Variants in SLC38A4 observed in about 807,000 individuals in gnomAD.
The protein encoded by SLC38A4 is sodium-coupled neutral amino acid transporter 4.
SLC38A4 carries 20 observed loss-of-function variants against 63.1 expected under a neutral mutation model. The observed-to-expected ratio is 0.32, with a 90% confidence interval of 0.22 to 0.46. The LOEUF (loss-of-function observed/expected upper bound fraction) is 0.46, where lower values mean the gene tolerates loss of function less well. Among genes scored for constraint, SLC38A4 ranks in the 20% least tolerant of loss-of-function variants. The pLI, the probability that SLC38A4 is intolerant of heterozygous loss-of-function variation, is 1.00. For synonymous variants in SLC38A4, 230 were observed against 225.5 expected (o/e 1.02, Z -0.18); for missense variants, 526 against 663.6 (o/e 0.79, Z 2.28).
chr12:46,785,979 C>T (rs1384666595), intron 5 of SLC38A4, among the ~76,000 whole-genome samples: 1 of 151,904 alleles, frequency 6.6e-6, no homozygotes, highest in Non-Finnish European at 1.5e-5. Flanking sequence ...AATACACTTT[C>T]CCCACAATTG....
intron 1 of SLC38A4, among the ~76,000 whole-genome samples, chr12:46,819,135 T>C (rs1939494520): frequency 6.6e-6 from 1 of 151,854 alleles, no homozygotes; most frequent in South Asian, 2.1e-4. Flanking sequence ...AGAATATGGG[T>C]AATTCTGTAA....
chr12:46,798,660 A>T (rs1309444040), intron 2 of SLC38A4, among the ~76,000 whole-genome samples: 2 of 152,170 alleles, frequency 1.3e-5, no homozygotes, highest in African/African-American at 4.8e-5. Flanking sequence ...TTTCATTTGC[A>T]TTAAGCCATG....
chr12:46,779,943 A>G lies in SLC38A4; in HGVS notation c.575+6T>C. The G allele has an allele frequency of 6.2e-7, 1 of 1,611,520 alleles. No homozygotes were observed. Among genetic ancestry groups the G allele is most frequent in the Non-Finnish European group, 8.5e-7 (1 of 1,178,142 alleles). On this transcript the variant is annotated splice_donor_region_variant and intron_variant, in intron 8 of 16. Transcript: ENST00000266579. ...CTTGATGTCACAGAGGGAGCATAAG[A>G]CATACCCAGTATTTTCTTCAAGTCC... is the stretch of plus-strand genomic sequence containing the variant.
intron 2 of SLC38A4, among the ~76,000 whole-genome samples, chr12:46,798,596 A>G (rs1206201844): frequency 6.6e-6 from 1 of 152,186 alleles, no homozygotes; most frequent in Non-Finnish European, 1.5e-5. Flanking sequence ...TCTGCAGTCC[A>G]AAAGCTTCAG....
rs1021880728 is a variant in SLC38A4 at position 46,778,179 on chromosome 12, A to G, written c.1073+110T>C. On this transcript the variant is annotated intron_variant, in intron 12 of 16. Coordinates refer to ENST00000266579, the MANE Select transcript of SLC38A4 (RefSeq NM_018018.5). ...TGTTACTGAGGAGTGGATGGAGTAC[A>G]TATTTTCTCTGAAGAGGAAGCTATA... 13 of 1,037,088 alleles carry G rather than the reference A, an allele frequency of 1.3e-5. No homozygotes were observed. The African/African-American group carries it at 2.1e-4, about 16-fold the overall frequency. The allele number at this position is 1,037,088 out of a possible 1,614,324, so 64.2% of individuals were successfully genotyped here. A position where few individuals can be genotyped will look rare whatever the true frequency, so the allele number is the denominator to read the frequency against.
At chr12:46,831,753 C>A (rs1433767129) in intron 1 of SLC38A4, among the ~76,000 whole-genome samples, 2 of 152,058 alleles carry the variant, frequency 1.3e-5, no homozygotes, top group Non-Finnish European at 2.9e-5. Context: ...TGTCCCCGAC[C>A]TGAGGACGCG....
At chr12:46,782,832 T>C (rs2120792806) in intron 7 of SLC38A4, among the ~76,000 whole-genome samples, 1 of 150,156 alleles carries the variant, frequency 6.7e-6, no homozygotes, top group South Asian at 2.1e-4. Flanking sequence ...AGTTCACAGA[T>C]AGTGACAGAA....
chr12:46,822,654 G>A (rs964789810), intron 1 of SLC38A4, among the ~76,000 whole-genome samples: 5 of 152,184 alleles, frequency 3.3e-5, no homozygotes, highest in African/African-American at 4.8e-5. Flanking sequence ...GGCAAATAGA[G>A]TAGGTTTTGT....
At chr12:46,829,847 C>A (rs1156400426), upstream of SLC38A4, among the ~76,000 whole-genome samples, 1 of 152,166 alleles carries the variant, frequency 6.6e-6, no homozygotes, top group African/African-American at 2.4e-5. Flanking sequence ...CCAAGTAGAA[C>A]TTCCAAAATA....
intron 5 of SLC38A4, among the ~76,000 whole-genome samples, chr12:46,785,692 T>C (rs1938743945): frequency 6.7e-6 from 1 of 149,540 alleles, no homozygotes; most frequent in Non-Finnish European, 1.5e-5. Flanking sequence ...CAGTTGCATA[T>C]ATAATAGAGA....
At chr12:46,818,467 A>G (rs1447445450) in intron 1 of SLC38A4, among the ~76,000 whole-genome samples, 1 of 151,924 alleles carries the variant, frequency 6.6e-6, no homozygotes, top group Admixed American at 6.6e-5. Flanking sequence ...ATCCTTGGCA[A>G]AAGTGTTATA....
chr12:46,804,258 T>C (rs751649910), intron 1 of SLC38A4, among the ~76,000 whole-genome samples: 38 of 151,916 alleles, frequency 2.5e-4, no homozygotes, highest in Non-Finnish European at 4.6e-4. Context: ...CCAACGGCAG[T>C]GTGCTGAGTA....
chr12:46,812,354 C>G (rs1939355735), intron 1 of SLC38A4, among the ~76,000 whole-genome samples: 1 of 152,010 alleles, frequency 6.6e-6, no homozygotes, highest in African/African-American at 2.4e-5. Context: ...AGGAGCTTCA[C>G]TGTTTTTGTC....
At chr12:46,819,131 T>C (rs779963409) in intron 1 of SLC38A4, among the ~76,000 whole-genome samples, 4 of 151,834 alleles carry the variant, frequency 2.6e-5, no homozygotes, top group Non-Finnish European at 5.9e-5. Context: ...ATTCAGAATA[T>C]GGGTAATTCT....
chr12:46,788,012 A>G lies in SLC38A4; in HGVS notation c.230T>C (p.Phe77Ser). Residue 77 changes from phenylalanine to serine, a missense_variant, in exon 5 of 17, where the codon TTT (phenylalanine) becomes TCT (serine). Phe to Ser is a radical substitution (Grantham distance 155, BLOSUM62 -2). Coordinates refer to ENST00000266579, the MANE Select transcript of SLC38A4 (RefSeq NM_018018.5). ...ACTCAGGTTAAATGAAGACATTCCA[A>G]AGGAAGTGGTTCCGGGATGCTTGAA... is the stretch of plus-strand genomic sequence containing the variant. ...ADEHHPGTTS[F>S]GMSSFNLSNA... 1.2e-6 allele frequency: 2 copies of G among 1,613,822 alleles called. No homozygotes were observed. Among genetic ancestry groups the G allele is most frequent in the African/African-American group, 1.3e-5 (1 of 75,050 alleles).
intron 3 of SLC38A4, among the ~76,000 whole-genome samples, chr12:46,790,713 T>C (rs1938867183): frequency 6.6e-6 from 1 of 151,656 alleles, no homozygotes; most frequent in Non-Finnish European, 1.5e-5. Flanking sequence ...TGGCATGAGA[T>C]GAGTTGTAGT....
At chr12:46,819,637 G>A (rs118023298) in intron 1 of SLC38A4, among the ~76,000 whole-genome samples, 2,122 of 151,934 alleles carry the variant, frequency 0.014, 22 homozygotes, top group Non-Finnish European at 0.023. Flanking sequence ...TTGTGGTGGG[G>A]TAGCAGAGGA....
At chr12:46,770,086 A>G (rs1470325788) in intron 14 of SLC38A4, among the ~76,000 whole-genome samples, 7 of 152,056 alleles carry the variant, frequency 4.6e-5, no homozygotes, top group Admixed American at 4.6e-4. Context: ...TTCAGAATTT[A>G]TTGTTAAAAA....
In SLC38A4 at chr12:46,781,380, A is replaced by G. The variant is rs543753259; in HGVS notation, c.494-1350T>C. Among the ~76,000 whole-genome samples the G allele has an allele frequency of 1.1e-4, 17 of 152,186 alleles. No individual in the cohort carries two copies. The East Asian group carries it at 1.4e-3, about 12-fold the overall frequency. ...GCTAAATCTTACAGAGTGTGAACAC[A>G]GGAGATATTTCTGATTAGCTGGCTT... On this transcript the variant is annotated intron_variant, in intron 7 of 16. Coordinates refer to ENST00000266579, the MANE Select transcript of SLC38A4 (RefSeq NM_018018.5).
Sources: gnomAD v4.1 joint callset for allele counts (sites outside exome capture counted in the v4.1 genomes callset) on GRCh38, gnomAD v4.1.1 for gene constraint, MANE v1.5 for transcripts, NCBI Gene and HGNC (gene_info 2026-07-23, HGNC 2026-07-21) for gene names.